The following MAGEC3 variants were observed in gnomAD, a reference collection of about 807,000 sequenced individuals.
MAGEC3 encodes melanoma-associated antigen C3.
In MAGEC3, 34 loss-of-function variants were observed where a neutral mutation model predicts 35.3. The observed-to-expected ratio is 0.96, with a 90% CI of 0.73 to 1.28. The LOEUF (loss-of-function observed/expected upper bound fraction) is 1.28. Among genes scored for constraint, MAGEC3 ranks in the 50% most tolerant of loss-of-function variants. The probability of loss-of-function intolerance (pLI) is 0.00; values close to 1 mark genes in which losing one functional copy is unlikely to be tolerated. For synonymous variants in MAGEC3, 202 were observed against 185.6 expected, an observed-to-expected ratio of 1.09 and a Z score of -0.72; for missense variants, 561 against 483.6, an observed-to-expected ratio of 1.16 and a Z score of -1.50.
Position 141,838,493 on chromosome X carries a change from CT to C in MAGEC3, c.123+59del. On this transcript the variant is annotated intron_variant, in intron 1 of 7. Coordinates refer to ENST00000298296, the MANE Select transcript of MAGEC3 (RefSeq NM_138702.1). ...AGCCCCAGGTTAACAGCCAGCTCTT[CT>C]TTTGCATCTCAGCCTCAGTGTTGCT... The C allele has an allele frequency of 1.4e-5, 16 of 1,178,245 alleles. No individual in the cohort carries two copies. The South Asian group carries it at 3.1e-4, about 23-fold the overall frequency.
At chrX:141,865,790 G>T (rs1275085819) in intron 2 of MAGEC3, among the ~76,000 whole-genome samples, 185 bp downstream of exon 2, 1 of 111,933 alleles carries the variant, frequency 8.9e-6, no homozygotes, top group Admixed American at 9.4e-5. Flanking sequence ...CAAGTCAGCA[G>T]AGAGAGAAGT....
At chrX:141,865,431 G>T in intron 1 of MAGEC3, 40 bp from the exon 2 acceptor site, 1 of 1,158,047 alleles carries the variant, frequency 8.6e-7, no homozygotes, top group East Asian at 3.1e-5. Flanking sequence ...GGTAGAGGTT[G>T]CCCCAGCCTA....
At chrX:141,871,399 C>T (rs2017887031) in intron 2 of MAGEC3, among the ~76,000 whole-genome samples, 1 of 111,189 alleles carries the variant, frequency 9.0e-6, no homozygotes, top group African/African-American at 3.3e-5. Flanking sequence ...TTCTGTTTTC[C>T]CAAGGAGTCC....
chrX:141,853,813 C>G lies in MAGEC3; in HGVS notation c.124-11658C>G, dbSNP rs931503647. On this transcript the variant is annotated intron_variant, in intron 1 of 7. Coordinates refer to ENST00000298296, the MANE Select transcript of MAGEC3 (RefSeq NM_138702.1). ...AAGTGGTTATGATTAATTGAACCCCCTCTTATGTTTCCTGATAAACAGAAG... is the reference window on the plus strand; with the variant it reads ...AAGTGGTTATGATTAATTGAACCCCGTCTTATGTTTCCTGATAAACAGAAG... Among the ~76,000 whole-genome samples, 4 of 111,540 alleles carry G rather than the reference C, an allele frequency of 3.6e-5. No individual in the cohort carries two copies. In the Admixed American group the frequency reaches 3.8e-4, roughly 11 times the overall value.
intron 1 of MAGEC3, among the ~76,000 whole-genome samples, chrX:141,846,869 C>A (rs946461525): frequency 9.0e-6 from 1 of 110,937 alleles, no homozygotes; most frequent in South Asian, 3.7e-4. Context: ...ATATTACTCT[C>A]ATTTTATGGG....
chrX:141,881,514 G>C lies in MAGEC3; in HGVS notation c.627G>C (p.Glu209Asp). Residue 209 changes from glutamate (E) to aspartate (D), a missense_variant, in exon 4 of 8, where the codon GAG (glutamate) becomes GAC (aspartate). By Grantham distance (45) the Glu-to-Asp change is conservative. Coordinates refer to ENST00000298296, the MANE Select transcript of MAGEC3 (RefSeq NM_138702.1). ...YQAKEPLTRA[E>D]MQMNVINTYT... ...CAAAAGAGCCTCTCACAAGAGCAGA[G>C]ATGCAGATGAATGTCATCAACACAT... 8.3e-7 allele frequency: 1 copy of C among 1,211,655 alleles called. No individual in the cohort carries two copies. The highest frequency in any genetic ancestry group is 1.1e-6 in the Non-Finnish European group (1 of 895,449).
chrX:141,861,450 A>G (rs2017814360), intron 1 of MAGEC3, among the ~76,000 whole-genome samples: 1 of 111,622 alleles, frequency 9.0e-6, no homozygotes, highest in Admixed American at 9.6e-5. Flanking sequence ...ATTTGTATGG[A>G]GCCAAAAAAG....
intron 1 of MAGEC3, among the ~76,000 whole-genome samples, chrX:141,863,282 A>G (rs2060006896): frequency 1.8e-5 from 2 of 111,228 alleles, no homozygotes; most frequent in South Asian, 7.5e-4. Flanking sequence ...TATAGAGACA[A>G]TGCAAGGATA....
At chrX:141,888,353 T>C (rs1305857045) in intron 4 of MAGEC3, among the ~76,000 whole-genome samples, 2 of 112,456 alleles carry the variant, frequency 1.8e-5, no homozygotes, top group Non-Finnish European at 3.8e-5. Flanking sequence ...CACCTGGTTT[T>C]GCACTTTGCA....
intron 1 of MAGEC3, among the ~76,000 whole-genome samples, chrX:141,840,699 C>T (rs1199564488): frequency 9.1e-6 from 1 of 110,382 alleles, no homozygotes; most frequent in Non-Finnish European, 1.9e-5. Context: ...GTCTAAAATT[C>T]AGCCTGATGT....
chrX:141,848,326 A>G (rs1021262469), intron 1 of MAGEC3, among the ~76,000 whole-genome samples: 2 of 110,501 alleles, frequency 1.8e-5, no homozygotes, highest in African/African-American at 3.3e-5. Context: ...CAGAAAAATA[A>G]GAAGTCAACC....
At chrX:141,887,954 T>A (rs983788005) in intron 4 of MAGEC3, among the ~76,000 whole-genome samples, 8 of 112,270 alleles carry the variant, frequency 7.1e-5, no homozygotes, top group Non-Finnish European at 1.5e-4. Flanking sequence ...CAAATCACCA[T>A]GCAACCTGAA....
chrX:141,891,280 G>T (rs10126509), intron 4 of MAGEC3, among the ~76,000 whole-genome samples: 1 of 111,334 alleles, frequency 9.0e-6, no homozygotes, highest in African/African-American at 3.3e-5. Flanking sequence ...CTTTGTATGT[G>T]TGCATTTTGA....
chrX:141,844,633 G>T (rs1345443767), intron 1 of MAGEC3, among the ~76,000 whole-genome samples: 1 of 110,938 alleles, frequency 9.0e-6, no homozygotes, highest in African/African-American at 3.3e-5. Flanking sequence ...ATATATGTGA[G>T]ACCTTCTCAC....
chrX:141,888,474 CAAAG>C (rs1355119345), intron 4 of MAGEC3, among the ~76,000 whole-genome samples: 1 of 112,263 alleles, frequency 8.9e-6, no homozygotes, highest in Non-Finnish European at 1.9e-5. Flanking sequence ...AAATTGGTGA[CAAAG>C]AAATTTGGTG....
intron 1 of MAGEC3, chrX:141,839,629 A>ATCTT (rs2017674428): frequency 1.3e-6 from 1 of 750,258 alleles, no homozygotes; most frequent in Non-Finnish European, 1.6e-6. Flanking sequence ...TATTCATTAT[A>ATCTT]TCTTCAGTAG....
At chrX:141,889,102 A>T (rs1388402757) in intron 4 of MAGEC3, among the ~76,000 whole-genome samples, 2 of 112,007 alleles carry the variant, frequency 1.8e-5, no homozygotes, top group Non-Finnish European at 3.8e-5. Flanking sequence ...TGCTCATGGA[A>T]TTCGCTGATC....
intron 1 of MAGEC3, among the ~76,000 whole-genome samples, chrX:141,862,400 A>G (rs914747563): frequency 1.8e-5 from 2 of 112,220 alleles, no homozygotes; most frequent in African/African-American, 6.5e-5. Context: ...TGAAAAAAAG[A>G]ACTATCATAT....
intron 3 of MAGEC3, 40 bp from the exon 4 acceptor site, chrX:141,881,363 C>G: frequency 8.6e-7 from 1 of 1,166,779 alleles, no homozygotes; most frequent in Non-Finnish European, 1.1e-6. Context: ...AATGAAGAGC[C>G]TAGCAGCCAA....
Sources: allele counts gnomAD v4.1 joint callset (sites outside exome capture counted in the v4.1 genomes callset), GRCh38; gene constraint gnomAD v4.1.1; transcripts MANE v1.5; gene names NCBI Gene and HGNC (gene_info 2026-07-23, HGNC 2026-07-21).